UBE2E2: variants seen among roughly 807,000 people sequenced by gnomAD.
UBE2E2 encodes ubiquitin conjugating enzyme E2 E2.
Under a neutral mutation model 24.7 loss-of-function variants are expected in UBE2E2, and 6 were observed. The ratio of observed to expected loss-of-function variants is 0.24; its 90% confidence interval spans 0.13 to 0.48. The LOEUF (loss-of-function observed/expected upper bound fraction) is 0.48. Among genes scored for constraint, UBE2E2 ranks in the 20% least tolerant of loss-of-function variants. The probability of loss-of-function intolerance (pLI) is 0.99; values close to 1 mark genes in which losing one functional copy is unlikely to be tolerated. For synonymous variants in UBE2E2, 104 were observed against 83.6 expected (o/e 1.24, Z -1.33); for missense variants, 169 against 245.0 (o/e 0.69, Z 2.07).
intron 3 of UBE2E2, among the ~76,000 whole-genome samples, chr3:23,414,290 C>T (rs1697571798): frequency 6.6e-6 from 1 of 152,198 alleles, no homozygotes; most frequent in South Asian, 2.1e-4. Flanking sequence ...CTACCTTACT[C>T]TGTTTCCAGT....
intron 3 of UBE2E2, among the ~76,000 whole-genome samples, chr3:23,265,354 G>T (rs1238539683): frequency 6.6e-6 from 1 of 152,092 alleles, no homozygotes; most frequent in East Asian, 1.9e-4. Context: ...TCCCCACATG[G>T]TAGTGTGGTT....
intron 3 of UBE2E2, among the ~76,000 whole-genome samples, chr3:23,240,186 G>A (rs976354115): frequency 7.9e-5 from 12 of 152,240 alleles, no homozygotes; most frequent in African/African-American, 2.4e-4. Flanking sequence ...TGGTAACTAC[G>A]CTTTCTCATT....
intron 5 of UBE2E2, among the ~76,000 whole-genome samples, chr3:23,552,925 C>A (rs1312784423): frequency 1.3e-5 from 2 of 152,066 alleles, no homozygotes; most frequent in Non-Finnish European, 2.9e-5. Flanking sequence ...ATTAATTTTG[C>A]AAAATGTACG....
chr3:23,203,770 G>A (rs1463406417), intron 1 of UBE2E2, among the ~76,000 whole-genome samples: 2 of 143,832 alleles, frequency 1.4e-5, no homozygotes, highest in Non-Finnish European at 3.0e-5. Context: ...AACCCTCCCA[G>A]CGCTTTCCTT....
intron 3 of UBE2E2, among the ~76,000 whole-genome samples, chr3:23,439,241 T>C (rs1314242139): frequency 2.0e-5 from 3 of 152,238 alleles, no homozygotes; most frequent in Admixed American, 2.0e-4. Context: ...CCTTCATGCG[T>C]ATTCTTCCTG....
At chr3:23,438,746 C>T (rs1364145762) in intron 3 of UBE2E2, among the ~76,000 whole-genome samples, 1 of 152,108 alleles carries the variant, frequency 6.6e-6, no homozygotes, top group Non-Finnish European at 1.5e-5. Flanking sequence ...GTCCATCCCA[C>T]ATATAAATGG....
chr3:23,464,261 C>T (rs779651881), intron 3 of UBE2E2, among the ~76,000 whole-genome samples: 2 of 152,030 alleles, frequency 1.3e-5, no homozygotes, highest in Non-Finnish European at 2.9e-5. Context: ...CTAGTTTTAT[C>T]TAAGGAGACA....
At position 23,402,680 on chromosome 3, in the gene UBE2E2, C is replaced by G. The variant is rs147328764; in HGVS notation, c.228-96928C>G. 9.1e-3 allele frequency among the ~76,000 whole-genome samples: 1,392 copies of G among 152,258 alleles called. 31 individuals carry two copies. The highest frequency in any genetic ancestry group is 0.031 in the African/African-American group (1,299 of 41,560). On this transcript the variant is annotated intron_variant, in intron 3 of 5. Transcript: ENST00000396703. Reference sequence around the variant, plus strand: ...TCTAGGTATATGGTTGTGATGTCATCAGGGTTACAATACAATAAATACTCT... The same window carrying G: ...TCTAGGTATATGGTTGTGATGTCATGAGGGTTACAATACAATAAATACTCT...
chr3:23,432,971 T>C (rs1447127670), intron 3 of UBE2E2, among the ~76,000 whole-genome samples: 2 of 151,990 alleles, frequency 1.3e-5, no homozygotes, highest in Non-Finnish European at 2.9e-5. Flanking sequence ...AACTTGAATA[T>C]ATTAAACACT....
At chr3:23,322,950 T>A (rs1428520146) in intron 3 of UBE2E2, among the ~76,000 whole-genome samples, 2 of 152,016 alleles carry the variant, frequency 1.3e-5, no homozygotes, top group African/African-American at 4.8e-5. Context: ...GGCATTTTCT[T>A]GTCTCCTTTC....
chr3:23,397,498 C>A (rs762696643), intron 3 of UBE2E2, among the ~76,000 whole-genome samples: 1 of 152,178 alleles, frequency 6.6e-6, no homozygotes, highest in Non-Finnish European at 1.5e-5. Flanking sequence ...CAGCTTCCCC[C>A]CTCCAAGAAA....
intron 3 of UBE2E2, among the ~76,000 whole-genome samples, chr3:23,334,310 T>G (rs2125304168): frequency 6.6e-6 from 1 of 152,288 alleles, no homozygotes; most frequent in Non-Finnish European, 1.5e-5. Context: ...TTGTATTTTT[T>G]TTTTGAGATT....
chr3:23,440,240 C>T (rs1698275538), intron 3 of UBE2E2, among the ~76,000 whole-genome samples: 1 of 152,074 alleles, frequency 6.6e-6, no homozygotes, highest in South Asian at 2.1e-4. Context: ...CGCCACTGCA[C>T]TCTAGCCTGA....
rs765545694 is a variant in UBE2E2 at position 23,589,697 on chromosome 3, T to C, written c.509-37T>C. On this transcript the variant is annotated intron_variant, in intron 5 of 5. Coordinates refer to ENST00000396703, the MANE Select transcript of UBE2E2 (RefSeq NM_152653.4). This position sits in a 1 kb window ranked among gnomAD's most constrained non-coding sequence, Gnocchi z 4.1. ...CTGAACACTTCTTCCCCCACAGTGC[T>C]GGTATTTACTGACTCCCAACTCTGC... The C allele has an allele frequency of 6.2e-7, 1 of 1,606,686 alleles. No homozygotes were observed. The highest frequency in any genetic ancestry group is 1.3e-5 in the African/African-American group (1 of 74,944).
intron 3 of UBE2E2, among the ~76,000 whole-genome samples, chr3:23,278,692 A>T (rs1001922547): frequency 2.0e-5 from 3 of 152,172 alleles, no homozygotes; most frequent in African/African-American, 7.2e-5. Context: ...TTCAAAACGT[A>T]TTGAGCAATC....
intron 5 of UBE2E2, among the ~76,000 whole-genome samples, chr3:23,588,271 A>C (rs549327383): frequency 4.6e-5 from 7 of 152,274 alleles, no homozygotes; most frequent in African/African-American, 1.7e-4. Context: ...CCAAATTCCC[A>C]ATACCAAAAA....
intron 3 of UBE2E2, among the ~76,000 whole-genome samples, chr3:23,375,398 GT>G (rs1424879239): frequency 6.6e-6 from 1 of 152,136 alleles, no homozygotes; most frequent in Non-Finnish European, 1.5e-5. Flanking sequence ...GTGTTTTTGA[GT>G]TTTCGCTACT....
At chr3:23,257,997 A>G (rs1201365156) in intron 3 of UBE2E2, among the ~76,000 whole-genome samples, 1 of 152,176 alleles carries the variant, frequency 6.6e-6, no homozygotes, top group Non-Finnish European at 1.5e-5. Context: ...ATGGATTAAA[A>G]AAAGGTTAAT....
At chr3:23,420,855 A>G (rs991360490) in intron 3 of UBE2E2, among the ~76,000 whole-genome samples, 1 of 152,232 alleles carries the variant, frequency 6.6e-6, no homozygotes. Context: ...ATTTAGGCCC[A>G]CAAAACCCCT....
Sources: allele counts gnomAD v4.1 joint callset (sites outside exome capture counted in the v4.1 genomes callset), GRCh38; gene constraint gnomAD v4.1.1; non-coding constraint Gnocchi (gnomAD v3.1); transcripts MANE v1.5; gene names NCBI Gene and HGNC (gene_info 2026-07-23, HGNC 2026-07-21).